Variants in TP63 observed in about 807,000 individuals in gnomAD.
The protein encoded by TP63 is tumor protein p63.
A neutral mutation model predicts 82.8 loss-of-function variants in TP63; 17 were observed. That is an observed-to-expected ratio of 0.21 (90% CI 0.14 to 0.31). The LOEUF (loss-of-function observed/expected upper bound fraction) is 0.31. TP63 is among the 10% of genes least tolerant of loss of function. The pLI, the probability that TP63 is intolerant of heterozygous loss-of-function variation, is 1.00. For synonymous variants in TP63, 330 were observed against 321.7 expected (o/e 1.03, Z -0.28); for missense variants, 648 against 895.3 (o/e 0.72, Z 3.52).
intron 11 of TP63, 29 bp downstream of exon 11, chr3:189,886,580 G>T: frequency 6.2e-7 from 1 of 1,613,132 alleles, no homozygotes; most frequent in South Asian, 1.1e-5. Flanking sequence ...AGCTGTGGCT[G>T]AAGGATGAAC....
intron 10 of TP63, chr3:189,880,712 A>T: frequency 2.0e-6 from 2 of 985,460 alleles, no homozygotes; most frequent in Non-Finnish European, 2.4e-6. Context: ...GTAGTAAGAA[A>T]CGAAGGTGTC....
chr3:189,823,311 C>G (rs781265651), intron 4 of TP63, among the ~76,000 whole-genome samples: 2 of 152,178 alleles, frequency 1.3e-5, no homozygotes, highest in Non-Finnish European at 2.9e-5. Flanking sequence ...GGCTTTTTAA[C>G]TCTATCGCAT....
intron 6 of TP63, among the ~76,000 whole-genome samples, chr3:189,867,557 A>G (rs1248052910): frequency 2.6e-5 from 4 of 152,206 alleles, no homozygotes; most frequent in Non-Finnish European, 4.4e-5. Flanking sequence ...TTTGAATTAC[A>G]TGATGTGGAT....
At chr3:189,689,582 T>G (rs1406839899) in intron 1 of TP63, among the ~76,000 whole-genome samples, 1 of 152,128 alleles carries the variant, frequency 6.6e-6, no homozygotes, top group Non-Finnish European at 1.5e-5. Context: ...AATCGTGTAT[T>G]GGGAGTGTGC....
chr3:189,751,345 C>T (rs1475802645), intron 3 of TP63, among the ~76,000 whole-genome samples: 5 of 152,116 alleles, frequency 3.3e-5, no homozygotes, highest in African/African-American at 1.2e-4. Context: ...AGTAATGGGA[C>T]CGCTGGGTCA....
At position 189,681,877 on chromosome 3, in the gene TP63, C is replaced by T. The variant is rs531581912; in HGVS notation, c.62+50300C>T. ...CTCATTTGTTACCTAGGGAACCAGG[C>T]AATCACCTTTTACACACTAAGTGAA... On this transcript the variant is annotated intron_variant, in intron 1 of 13. Transcript: ENST00000264731. 2.0e-5 allele frequency among the ~76,000 whole-genome samples: 3 copies of T among 152,160 alleles called. No individual in the cohort carries two copies. The South Asian group carries it at 6.2e-4, about 32-fold the overall frequency.
intron 1 of TP63, among the ~76,000 whole-genome samples, chr3:189,669,717 T>G (rs1714727311): frequency 6.6e-6 from 1 of 152,030 alleles, no homozygotes; most frequent in African/African-American, 2.4e-5. Context: ...AGGTAGACAT[T>G]AATAAGTTAG....
chr3:189,653,763 A>C (rs913561318), intron 1 of TP63, among the ~76,000 whole-genome samples: 1 of 152,222 alleles, frequency 6.6e-6, no homozygotes, highest in African/African-American at 2.4e-5. Context: ...AGATTCAGTC[A>C]GTATTTAATT....
At chr3:189,748,384 A>G (rs1721535439) in intron 3 of TP63, among the ~76,000 whole-genome samples, 1 of 152,024 alleles carries the variant, frequency 6.6e-6, no homozygotes, top group South Asian at 2.1e-4. Flanking sequence ...GCATTTCTAT[A>G]CATCAGTAAC....
chr3:189,699,671 A>C (rs979637756), intron 1 of TP63, among the ~76,000 whole-genome samples: 1 of 141,304 alleles, frequency 7.1e-6, no homozygotes, highest in African/African-American at 2.5e-5. Context: ...TATTTGTTTT[A>C]AAAAAAAATC....
At chr3:189,744,769 C>T (rs1006969094) in intron 3 of TP63, among the ~76,000 whole-genome samples, 2 of 152,208 alleles carry the variant, frequency 1.3e-5, no homozygotes, top group African/African-American at 4.8e-5. Flanking sequence ...CTTTCCACTG[C>T]CATTCCAACC....
intron 3 of TP63, among the ~76,000 whole-genome samples, chr3:189,796,311 A>G (rs1454783095): frequency 6.6e-6 from 1 of 152,036 alleles, no homozygotes; most frequent in Non-Finnish European, 1.5e-5. Context: ...GGGAGAAGAC[A>G]TGTCTTTTCC....
chr3:189,815,634 A>C (rs1018902227), intron 4 of TP63, among the ~76,000 whole-genome samples: 3 of 152,166 alleles, frequency 2.0e-5, no homozygotes, highest in African/African-American at 7.2e-5. Context: ...AAAAGTTGTA[A>C]AACACTACAG....
intron 3 of TP63, among the ~76,000 whole-genome samples, chr3:189,804,324 C>T (rs1048838469): frequency 2.6e-5 from 4 of 152,210 alleles, no homozygotes; most frequent in African/African-American, 9.6e-5. Flanking sequence ...AGATATTATT[C>T]ACTTGACCTG....
intron 1 of TP63, among the ~76,000 whole-genome samples, chr3:189,664,348 T>C (rs1006364305): frequency 3.3e-5 from 5 of 152,150 alleles, no homozygotes; most frequent in East Asian, 1.9e-4. Context: ...ATGCTCAAAA[T>C]TACATAGAAA....
chr3:189,692,448 C>T (rs1438721062), intron 1 of TP63, among the ~76,000 whole-genome samples: 1 of 151,666 alleles, frequency 6.6e-6, no homozygotes, highest in African/African-American at 2.4e-5. Flanking sequence ...CCCTTCCTCC[C>T]TCCCCACTTT....
intron 1 of TP63, among the ~76,000 whole-genome samples, chr3:189,679,534 C>G (rs1715729922): frequency 6.6e-6 from 1 of 151,910 alleles, no homozygotes; most frequent in Non-Finnish European, 1.5e-5. Context: ...GAATATTAAC[C>G]CTCTATCAGA....
Position 189,647,363 on chromosome 3 carries a change from G to A in TP63, c.62+15786G>A, listed in dbSNP as rs140994802. 1.2e-4 allele frequency among the ~76,000 whole-genome samples: 18 copies of A among 146,980 alleles called. 3 individuals carry two copies. The highest frequency in any genetic ancestry group is 3.8e-4 in the African/African-American group (15 of 39,324). ...AATGTCCAAAAGTATGAATATCTGCGTTAAGGCAATGATTGATTAATATAT... is the reference window on the plus strand; with the variant it reads ...AATGTCCAAAAGTATGAATATCTGCATTAAGGCAATGATTGATTAATATAT... On this transcript the variant is annotated intron_variant, in intron 1 of 13. Coordinates refer to ENST00000264731, the MANE Select transcript of TP63 (RefSeq NM_003722.5).
At chr3:189,628,825 G>T (rs148906111), upstream of TP63, among the ~76,000 whole-genome samples, 1 of 152,052 alleles carries the variant, frequency 6.6e-6, no homozygotes, top group Admixed American at 6.6e-5. Context: ...TCACTTGATC[G>T]TGTATGGTTG....
Sources: gnomAD v4.1 joint callset for allele counts (sites outside exome capture counted in the v4.1 genomes callset) on GRCh38, gnomAD v4.1.1 for gene constraint, MANE v1.5 for transcripts, NCBI Gene and HGNC (gene_info 2026-07-23, HGNC 2026-07-21) for gene names.